Variants in FAN1 observed in about 807,000 individuals in gnomAD.
The protein encoded by FAN1 is FANCD2 and FANCI associated nuclease 1, also known as fanconi-associated nuclease 1.
FAN1 carries 91 observed loss-of-function variants against 104.9 expected under a neutral mutation model. That is an observed-to-expected ratio of 0.87 (90% CI 0.73 to 1.03). FAN1 has a LOEUF of 1.03. Among genes scored for constraint, FAN1 ranks in the 50% least tolerant of loss-of-function variants. FAN1 has a pLI of 0.00. For missense variants in FAN1, 1,263 were observed against 1,239.9 expected (o/e 1.02, Z -0.28); for synonymous variants, 478 against 457.6 (o/e 1.04, Z -0.57).
In FAN1 at chr15:30,928,558, C is replaced by A. The variant is rs776828162; in HGVS notation, c.2494C>A (p.His832Asn). ...YRRSGFDQGI[H>N]GEGSTFSTLY... ...TGTGTGTGACCTTGTCTTAGGGATT[C>A]ATGGCGAAGGGTCCACCTTCAGCAC... The change falls in exon 11 of 15, where the codon CAT becomes AAT. Residue 832 changes from histidine to asparagine, a missense_variant. His to Asn is a moderately conservative substitution (Grantham distance 68). Around this residue, in one of 2 missense-constraint regions of FAN1, gnomAD observed 581 missense variants for 668.8 expected, o/e 0.87. Transcript: ENST00000362065. 8.2e-6 allele frequency: 13 copies of A among 1,586,758 alleles called. No individual in the cohort carries two copies. The highest frequency in any genetic ancestry group is 1.7e-4 in the Middle Eastern group (1 of 5,922).
chr15:30,922,092 G>A, intron 7 of FAN1, 143 bp from the exon 8 acceptor site: 1 of 1,046,834 alleles, frequency 9.6e-7, no homozygotes, highest in Non-Finnish European at 1.4e-6. Flanking sequence ...TCCCTGTCCT[G>A]TCAGTTCGGG....
intron 4 of FAN1, 170 bp downstream of exon 4, chr15:30,910,985 T>G: frequency 7.6e-7 from 1 of 1,318,698 alleles, no homozygotes; most frequent in Non-Finnish European, 9.6e-7. Flanking sequence ...CTTGGGTTAT[T>G]ATTCAAAATT....
chr15:30,909,645 T>C (rs1387639513), intron 3 of FAN1, among the ~76,000 whole-genome samples: 2 of 152,216 alleles, frequency 1.3e-5, no homozygotes, highest in Non-Finnish European at 2.9e-5. Flanking sequence ...TCCAGCCCCA[T>C]GGGGCCTGGC....
rs1327456850 is a variant in FAN1 at position 30,943,052 on chromosome 15, G to A, written c.*1490G>A. On this transcript the variant is annotated 3_prime_UTR_variant, in exon 15 of 15. Coordinates refer to ENST00000362065, the MANE Select transcript of FAN1 (RefSeq NM_014967.5). ...AGCCCTTCTCATCACCCAATTGGAT[G>A]TTTTTGCTTATAGCAAATTCCTGCA... 4 of 1,534,786 alleles carry A rather than the reference G, an allele frequency of 2.6e-6. No individual in the cohort carries two copies. Among genetic ancestry groups the A allele is most frequent in the Middle Eastern group, 1.7e-4 (1 of 5,918 alleles).
rs558967415 is a variant in FAN1, at chr15:30,908,215, A to C, written c.1332A>C (p.Thr444=). The part of the protein sequence containing the change: ...LEYEEIALDL[T]PVIEELTNAG... ...ATGAAGAGATTGCCTTAGACTTAAC[A>C]CCTGTGATTGAAGAATTGACGAATG... Residue 444 remains threonine (T), a synonymous_variant, in exon 3 of 15, where the codon ACA becomes ACC. Transcript: ENST00000362065. 1.4e-5 allele frequency: 23 copies of C among 1,609,586 alleles called. No individual in the cohort carries two copies. The South Asian group carries it at 2.6e-4, about 18-fold the overall frequency.
At chr15:30,937,016 C>T in intron 13 of FAN1, 103 bp from the exon 14 acceptor site, 1 of 858,300 alleles carries the variant, frequency 1.2e-6, no homozygotes, top group Non-Finnish European at 1.9e-6. Context: ...AGTGAGAGAG[C>T]AGAAGAGCCA....
rs1379495465 is a variant in FAN1, at chr15:30,905,577, A to G, written c.914A>G (p.Lys305Arg). 5 of 1,613,878 alleles carry G rather than the reference A, an allele frequency of 3.1e-6. No homozygotes were observed. In the South Asian group the frequency reaches 5.5e-5, roughly 18 times the overall value. ...GAGGCATGTCATTGTGAAGAAGTAA[A>G]AATGACTGTTGCTTCAGAAGCTAAA... ...KREACHCEEV[K>R]MTVASEAKIQ... The change falls in exon 2 of 15, where the codon AAA (lysine) becomes AGA (arginine). Residue 305 changes from lysine to arginine, a missense_variant. By Grantham distance (26) the Lys-to-Arg change is conservative. Transcript: ENST00000362065.
intron 5 of FAN1, among the ~76,000 whole-genome samples, chr15:30,916,772 C>A (rs974663678): frequency 6.6e-6 from 1 of 152,138 alleles, no homozygotes; most frequent in African/African-American, 2.4e-5. Context: ...AGGGCCTCAG[C>A]CATCATGGGG....
intron 13 of FAN1, among the ~76,000 whole-genome samples, 187 bp downstream of exon 13, chr15:30,930,858 G>A (rs904964607): frequency 6.6e-6 from 1 of 152,166 alleles, no homozygotes; most frequent in African/African-American, 2.4e-5. Context: ...CGGGTGAGAG[G>A]AGCCCCAGAG....
Position 30,942,165 on chromosome 15 carries a change from A to G in FAN1, c.*603A>G. On this transcript the variant is annotated 3_prime_UTR_variant, in exon 15 of 15. Transcript: ENST00000362065. ...AAATATAAACTCAATACTATGAAAA[A>G]TTAATGGAATTTCAGCCTCAAAGAA... 1 of 1,394,058 alleles carries G rather than the reference A, an allele frequency of 7.2e-7. No homozygotes were observed. The highest frequency in any genetic ancestry group is 9.7e-7 in the Non-Finnish European group (1 of 1,030,968). 86.4% of individuals were successfully genotyped at this position (1,394,058 alleles called of 1,614,324 possible).
Position 30,905,410 on chromosome 15 carries a change from G to A in FAN1, c.747G>A (p.Glu249=). The A allele has an allele frequency of 1.2e-6, 2 of 1,614,154 alleles. No individual in the cohort carries two copies. The highest frequency in any genetic ancestry group is 1.7e-6 in the Non-Finnish European group (2 of 1,180,018). The change falls in exon 2 of 15, where the codon GAG becomes GAA. Residue 249 remains glutamate (E), a synonymous_variant. Coordinates refer to ENST00000362065, the MANE Select transcript of FAN1 (RefSeq NM_014967.5). ...AESQKATREC[E]KSALTPGFSD... ...GCCAAAAGGCTACCCGGGAATGTGAGAAATCAGCCCTCACCCCTGGATTCT... is the reference window on the plus strand; with the variant it reads ...GCCAAAAGGCTACCCGGGAATGTGAAAAATCAGCCCTCACCCCTGGATTCT...
rs780367162 is a variant in FAN1, at chr15:30,930,571, T to C, written c.2816T>C (p.Val939Ala). ...CTTGTCTCCTGCCTGGGGGGCCCTG[T>C]GCTCAGTGGTGTGTGCAGGCACCTG... ...QDLVSCLGGP[V>A]LSGVCRHLAA... The change falls in exon 13 of 15, where the codon GTG becomes GCG. Residue 939 changes from valine (V) to alanine (A), a missense_variant. By Grantham distance (64) the Val-to-Ala change is moderately conservative. Around this residue, in one of 2 missense-constraint regions of FAN1, gnomAD observed 581 missense variants for 668.8 expected, o/e 0.87. Transcript: ENST00000362065. 2.5e-6 allele frequency: 4 copies of C among 1,606,956 alleles called. No individual in the cohort carries two copies. In the South Asian group the frequency reaches 4.4e-5, roughly 18 times the overall value.
intron 14 of FAN1, chr15:30,939,966 A>G (rs1236974210): frequency 1.0e-6 from 1 of 982,676 alleles, no homozygotes; most frequent in Non-Finnish European, 1.2e-6. Context: ...TGTTATATCC[A>G]GAGACATTAT....
Position 30,939,858 on chromosome 15 carries a change from C to G in FAN1, c.*4-1708C>G, listed in dbSNP as rs139084393. ...TGTTTAATAATTCTATTTGTATAAA[C>G]TGAAACTAGCCCTTATTTTCTAGGC... On this transcript the variant is annotated intron_variant, in intron 14 of 14. Transcript: ENST00000362065. The G allele has an allele frequency of 3.2e-4, 312 of 985,318 alleles. 1 individual carries two copies. The African/African-American group carries it at 5.2e-3, about 16-fold the overall frequency. The allele number at this position is 985,318 out of a possible 1,614,324, so 61.0% of individuals were successfully genotyped here.
intron 11 of FAN1, 129 bp from the exon 12 acceptor site, chr15:30,929,074 T>G: frequency 2.3e-6 from 2 of 851,562 alleles, no homozygotes; most frequent in Non-Finnish European, 3.6e-6. Context: ...CAATTAACTT[T>G]TACTTATCTT....
intron 13 of FAN1, among the ~76,000 whole-genome samples, chr15:30,934,469 C>T (rs1236412538): frequency 6.6e-6 from 1 of 152,134 alleles, no homozygotes; most frequent in Non-Finnish European, 1.5e-5. Context: ...CTCTTTGTCT[C>T]AGAACTCTTT....
chr15:30,925,278 A>G lies in FAN1; in HGVS notation c.2324A>G (p.Gln775Arg), dbSNP rs1315724326. The change falls in exon 9 of 15, where the codon CAA becomes CGA. Residue 775 changes from glutamine (Q) to arginine (R), a missense_variant. This residue lies in a region of FAN1 where 581 missense variants were observed against 668.8 expected (regional missense o/e 0.87). Coordinates refer to ENST00000362065, the MANE Select transcript of FAN1 (RefSeq NM_014967.5). ...LFQQLPEMAV[Q>R]DVKHVTITGR... ...CAGCAGCTCCCAGAAATGGCTGTGC[A>G]AGATGTGAAACACGTGAGGAAAGAG... 23 of 1,614,040 alleles carry G rather than the reference A, an allele frequency of 1.4e-5. No individual in the cohort carries two copies. The highest frequency in any genetic ancestry group is 1.9e-5 in the Non-Finnish European group (23 of 1,179,974).
intron 13 of FAN1, 88 bp from the exon 14 acceptor site, chr15:30,937,031 A>T (rs1186397318): frequency 9.8e-7 from 1 of 1,025,474 alleles, no homozygotes; most frequent in African/African-American, 1.6e-5. Context: ...GAGCCATTTA[A>T]ATAGTTGTCA....
intron 14 of FAN1, chr15:30,941,098 G>C: frequency 8.2e-7 from 1 of 1,226,502 alleles, no homozygotes; most frequent in Non-Finnish European, 1.0e-6. Flanking sequence ...AAAATGACAC[G>C]AAACACAAAT....
Sources: allele counts gnomAD v4.1 joint callset (sites outside exome capture counted in the v4.1 genomes callset), GRCh38; gene constraint gnomAD v4.1.1; regional missense constraint gnomAD v4.1.1; transcripts MANE v1.5; gene names NCBI Gene and HGNC (gene_info 2026-07-23, HGNC 2026-07-21).